RHOBTB1: variants seen among roughly 807,000 people sequenced by gnomAD.
The protein encoded by RHOBTB1 is Rho related BTB domain containing 1.
In RHOBTB1, 40 loss-of-function variants were observed where a neutral mutation model predicts 71.6. The ratio of observed to expected loss-of-function variants is 0.56; its 90% CI spans 0.43 to 0.73. The LOEUF (loss-of-function observed/expected upper bound fraction) is 0.73, where lower values mean the gene tolerates loss of function less well. Among genes scored for constraint, RHOBTB1 ranks in the 30% least tolerant of loss-of-function variants. The pLI is 0.00. For synonymous variants in RHOBTB1, 319 were observed against 334.9 expected, an observed-to-expected ratio of 0.95 and a Z score of 0.52; for missense variants, 797 against 894.0, an observed-to-expected ratio of 0.89 and a Z score of 1.38.
chr10:60,954,983 T>A (rs2085534462), intron 2 of RHOBTB1, among the ~76,000 whole-genome samples: 1 of 151,590 alleles, frequency 6.6e-6, no homozygotes, highest in Non-Finnish European at 1.5e-5. Flanking sequence ...AAGAGGGAAA[T>A]AGTCCACTTT....
At chr10:60,998,895 G>C (rs2087155408) in intron 1 of RHOBTB1, among the ~76,000 whole-genome samples, 1 of 152,214 alleles carries the variant, frequency 6.6e-6, no homozygotes, top group South Asian at 2.1e-4. Flanking sequence ...AGACTGTAGT[G>C]GTTCAAATCC....
Position 60,889,002 on chromosome 10 carries a change from C to T in RHOBTB1, c.666G>A (p.Lys222=). Residue 222 remains lysine (K), a synonymous_variant, in exon 6 of 11, where the codon AAG becomes AAA. Coordinates refer to ENST00000337910, the MANE Select transcript of RHOBTB1 (RefSeq NM_014836.5). The part of the protein sequence containing the change: ...RHLQFWKSHL[K]KVQKPLLQAP... ...CCTGAAGTAAAGGTTTCTGGACTTT[C>T]TTTAGGTGGGATTTCCAGAATTGCA... 6.2e-7 allele frequency: 1 copy of T among 1,614,090 alleles called. No individual in the cohort carries two copies. The highest frequency in any genetic ancestry group is 2.2e-5 in the East Asian group (1 of 44,880).
intron 7 of RHOBTB1, among the ~76,000 whole-genome samples, chr10:60,878,460 G>A (rs2081153322): frequency 6.6e-6 from 1 of 152,186 alleles, no homozygotes; most frequent in Non-Finnish European, 1.5e-5. Flanking sequence ...ACATGATGGA[G>A]CCTAGTTCTC....
intron 2 of RHOBTB1, among the ~76,000 whole-genome samples, chr10:60,927,642 G>C (rs1007985648): frequency 6.6e-6 from 1 of 152,142 alleles, no homozygotes; most frequent in African/African-American, 2.4e-5. Flanking sequence ...AAATGATGCT[G>C]GGAAAACTGG....
chr10:60,982,774 C>T (rs1255631668), intron 2 of RHOBTB1, among the ~76,000 whole-genome samples: 1 of 152,166 alleles, frequency 6.6e-6, no homozygotes, highest in Non-Finnish European at 1.5e-5. Context: ...ATGCCTTTCT[C>T]ACACATAGTA....
intron 4 of RHOBTB1, among the ~76,000 whole-genome samples, chr10:60,900,387 T>C (rs1336363305): frequency 6.6e-6 from 1 of 152,182 alleles, no homozygotes; most frequent in East Asian, 1.9e-4. Context: ...GAGGATCAGA[T>C]GTGTGATGTG....
At chr10:60,978,483 G>A (rs1200126290) in intron 2 of RHOBTB1, among the ~76,000 whole-genome samples, 1 of 152,166 alleles carries the variant, frequency 6.6e-6, no homozygotes, top group Non-Finnish European at 1.5e-5. Flanking sequence ...CTGAGATAAA[G>A]AATTAAGGCT....
chr10:60,912,838 T>C (rs2083062141), intron 2 of RHOBTB1: 1 of 152,224 alleles, frequency 6.6e-6, no homozygotes, highest in Non-Finnish European at 1.5e-5. Flanking sequence ...AGATTTTAAT[T>C]AATTGTAATT....
Position 60,871,630 on chromosome 10 carries a change from C to A in RHOBTB1, c.1943G>T (p.Arg648Leu), listed in dbSNP as rs369287909. ...KSADNQEYFE[R>L]HRWPPVWYLK... ...GTACCACACAGGGGGCCAGCGGTGC[C>A]GCTCGAAGTATTCCTGGTTGTCTGG... The change falls in exon 11 of 11, where the codon CGG (arginine) becomes CTG (leucine). Residue 648 changes from arginine (R) to leucine (L), a missense_variant. Arg to Leu is a moderately radical substitution (Grantham distance 102). This residue lies in a region of RHOBTB1 where 658 missense variants were observed against 681.5 expected (regional missense o/e 0.97). Transcript: ENST00000337910. 1.2e-6 allele frequency: 2 copies of A among 1,613,772 alleles called. No individual in the cohort carries two copies. Among genetic ancestry groups the A allele is most frequent in the Non-Finnish European group, 1.7e-6 (2 of 1,179,950 alleles).
At chr10:60,915,945 G>T (rs1398509627) in intron 2 of RHOBTB1, among the ~76,000 whole-genome samples, 1 of 152,048 alleles carries the variant, frequency 6.6e-6, no homozygotes, top group African/African-American at 2.4e-5. Context: ...TTTTGGACAC[G>T]TGCTGGATAT....
At chr10:60,876,282 A>G (rs550565761) in intron 8 of RHOBTB1, among the ~76,000 whole-genome samples, 65 of 152,378 alleles carry the variant, frequency 4.3e-4, no homozygotes, top group Non-Finnish European at 8.5e-4. Context: ...AAAGGATTAA[A>G]GGAATCATCT....
intron 2 of RHOBTB1, among the ~76,000 whole-genome samples, chr10:60,937,069 C>A (rs529793090): frequency 6.6e-6 from 1 of 152,202 alleles, no homozygotes; most frequent in Non-Finnish European, 1.5e-5. Flanking sequence ...AAAGGAAGAA[C>A]AGGTACAAGT....
At chr10:60,941,408 C>T (rs950997893) in intron 2 of RHOBTB1, among the ~76,000 whole-genome samples, 2 of 151,944 alleles carry the variant, frequency 1.3e-5, no homozygotes, top group South Asian at 2.1e-4. Flanking sequence ...ATTACCTGAA[C>T]CGTGATTCAT....
intron 8 of RHOBTB1, among the ~76,000 whole-genome samples, chr10:60,876,661 A>G (rs1036985796): frequency 4.6e-5 from 7 of 152,210 alleles, no homozygotes; most frequent in African/African-American, 1.7e-4. Flanking sequence ...TGAGTATTTT[A>G]AAAAACTAGT....
chr10:60,874,679 C>G (rs1263965443), intron 9 of RHOBTB1, among the ~76,000 whole-genome samples: 1 of 152,124 alleles, frequency 6.6e-6, no homozygotes, highest in Admixed American at 6.5e-5. Flanking sequence ...GAGACAAAAC[C>G]TCCCCCAAGT....
At chr10:60,978,132 C>T (rs1307132929) in intron 2 of RHOBTB1, among the ~76,000 whole-genome samples, 1 of 152,148 alleles carries the variant, frequency 6.6e-6, no homozygotes, top group African/African-American at 2.4e-5. Flanking sequence ...TCAGATTCAA[C>T]ACCCTCTGCA....
At chr10:60,998,809 T>C (rs1305139563) in intron 1 of RHOBTB1, among the ~76,000 whole-genome samples, 1 of 152,212 alleles carries the variant, frequency 6.6e-6, no homozygotes, top group Non-Finnish European at 1.5e-5. Flanking sequence ...AAATGGCTAA[T>C]TAATAGAAGA....
chr10:60,939,265 TACTC>T (rs1414204806), intron 2 of RHOBTB1, among the ~76,000 whole-genome samples: 5 of 152,148 alleles, frequency 3.3e-5, no homozygotes, highest in African/African-American at 1.2e-4. Context: ...GTGGCAGTCA[TACTC>T]ACACACACAT....
intron 2 of RHOBTB1, among the ~76,000 whole-genome samples, chr10:60,928,629 G>T (rs2084036746): frequency 6.6e-6 from 1 of 152,136 alleles, no homozygotes; most frequent in Admixed American, 6.6e-5. Context: ...GCTGGAAAGG[G>T]TAGTGGAAAG....
Sources: allele counts gnomAD v4.1 joint callset (sites outside exome capture counted in the v4.1 genomes callset), GRCh38; gene constraint gnomAD v4.1.1; regional missense constraint gnomAD v4.1.1; transcripts MANE v1.5; gene names NCBI Gene and HGNC (gene_info 2026-07-23, HGNC 2026-07-21).